CCDC60: variants seen among roughly 807,000 people sequenced by gnomAD.
The protein encoded by CCDC60 is coiled-coil domain-containing protein 60.
Under a neutral mutation model 63.5 loss-of-function variants are expected in CCDC60, and 54 were observed. That is an observed-to-expected ratio of 0.85 (90% confidence interval 0.68 to 1.07). The LOEUF (loss-of-function observed/expected upper bound fraction) is 1.07. Among genes scored for constraint, CCDC60 ranks in the 50% least tolerant of loss-of-function variants. The pLI is 0.00. For missense variants in CCDC60, 651 were observed against 684.3 expected (o/e 0.95, Z 0.54); for synonymous variants, 206 against 238.8 (o/e 0.86, Z 1.27).
rs747656084 is a variant in CCDC60, at chr12:119,505,096, C to G, written c.676C>G (p.Arg226Gly). Reference protein sequence around the residue: ...KTKKFKIPTMRVTNRKPSRRG... With the variant: ...KTKKFKIPTMGVTNRKPSRRG... The stretch of plus-strand genomic sequence containing the variant: ...CAAGAAATTCAAAATTCCCACAATG[C>G]GAGTCACCAACCGCAAACCAAGCCG... Residue 226 changes from arginine to glycine, a missense_variant, in exon 7 of 14, where the codon CGA becomes GGA. Arg to Gly is a moderately radical substitution (Grantham distance 125). Coordinates refer to ENST00000327554, the MANE Select transcript of CCDC60 (RefSeq NM_178499.5). The G allele has an allele frequency of 2.5e-6, 4 of 1,607,250 alleles. No individual in the cohort carries two copies. Among genetic ancestry groups the G allele is most frequent in the Admixed American group, 1.7e-5 (1 of 59,674 alleles).
In CCDC60 at chr12:119,505,912, G is replaced by A. The variant is rs1479884731; in HGVS notation, c.883+609G>A. Among the ~76,000 whole-genome samples, 5 of 152,160 alleles carry A rather than the reference G, an allele frequency of 3.3e-5. No homozygotes were observed. The East Asian group carries it at 9.6e-4, about 29-fold the overall frequency. On this transcript the variant is annotated intron_variant, in intron 7 of 13. Coordinates refer to ENST00000327554, the MANE Select transcript of CCDC60 (RefSeq NM_178499.5). ...TTATACAGAACATTATCATTTCAAT[G>A]TGTAACCAATGTAAAAATTATTAAT... is the stretch of plus-strand genomic sequence containing the variant.
intron 8 of CCDC60, among the ~76,000 whole-genome samples, chr12:119,519,058 A>T (rs944037026): frequency 6.6e-6 from 1 of 152,246 alleles, no homozygotes; most frequent in Non-Finnish European, 1.5e-5. Flanking sequence ...TTCAACGCAG[A>T]GCTACAGAGA....
chr12:119,465,037 C>T (rs551819369), intron 2 of CCDC60, among the ~76,000 whole-genome samples: 1 of 152,336 alleles, frequency 6.6e-6, no homozygotes, highest in African/African-American at 2.4e-5. Context: ...CTGGGCCAGG[C>T]GCGGTGGCTC....
intron 5 of CCDC60, among the ~76,000 whole-genome samples, chr12:119,494,287 A>C (rs1210236155): frequency 1.3e-5 from 2 of 152,204 alleles, no homozygotes; most frequent in African/African-American, 4.8e-5. Context: ...AGTGGAGAAG[A>C]AACAGGCCAG....
At chr12:119,375,916 C>CT in intron 1 of CCDC60, among the ~76,000 whole-genome samples, 1 of 152,286 alleles carries the variant, frequency 6.6e-6, no homozygotes, top group Non-Finnish European at 1.5e-5. Flanking sequence ...TAAAGTCTGA[C>CT]AAACGTGGAG....
At chr12:119,423,401 A>C (rs1956847703) in intron 1 of CCDC60, among the ~76,000 whole-genome samples, 2 of 151,948 alleles carry the variant, frequency 1.3e-5, no homozygotes, top group Non-Finnish European at 2.9e-5. Flanking sequence ...TTTCACTCTC[A>C]TTTCCATTTC....
intron 11 of CCDC60, among the ~76,000 whole-genome samples, chr12:119,524,808 G>A (rs571645436): frequency 7.0e-6 from 1 of 141,948 alleles, no homozygotes; most frequent in East Asian, 2.1e-4. Context: ...CTGCAGCCTC[G>A]AGTGATAAGT....
chr12:119,443,936 C>T (rs1620946), intron 2 of CCDC60, among the ~76,000 whole-genome samples: 135,644 of 152,280 alleles, frequency 0.89, 60,809 homozygotes, highest in East Asian at 1. Flanking sequence ...ACCTGGCACA[C>T]AGATGACATA....
chr12:119,411,120 G>A (rs1346462800), intron 1 of CCDC60, among the ~76,000 whole-genome samples: 1 of 152,196 alleles, frequency 6.6e-6, no homozygotes, highest in East Asian at 1.9e-4. Context: ...GTGTTTTTAT[G>A]CTAAGTCTGA....
chr12:119,489,959 A>G (rs1256120841), intron 5 of CCDC60, among the ~76,000 whole-genome samples: 2 of 151,968 alleles, frequency 1.3e-5, no homozygotes, highest in Admixed American at 6.5e-5. Flanking sequence ...CACCATGCCC[A>G]GCTAATTTTT....
intron 2 of CCDC60, among the ~76,000 whole-genome samples, chr12:119,430,212 A>T (rs1201929991): frequency 2.0e-5 from 3 of 152,046 alleles, no homozygotes; most frequent in Non-Finnish European, 4.4e-5. Flanking sequence ...ATACACACAC[A>T]CACACATATT....
Position 119,472,000 on chromosome 12 carries a change from G to T in CCDC60, c.177G>T (p.Leu59Phe), listed in dbSNP as rs1204939083. Residue 59 changes from leucine (L) to phenylalanine (F), a missense_variant, in exon 3 of 14, where the codon TTG becomes TTT. Leu to Phe is a conservative substitution (Grantham distance 22). Transcript: ENST00000327554. ...CCTCCCTGCATGTCTCCAGCTTTTT[G>T]ATCCAGTCTGTGAAGATAGGCCGTG... is the stretch of plus-strand genomic sequence containing the variant. ...LKKDLIRSRF[L>F]IQSVKIGRGY... 5 of 1,610,144 alleles carry T rather than the reference G, an allele frequency of 3.1e-6. No homozygotes were observed. Among genetic ancestry groups the T allele is most frequent in the Admixed American group, 3.3e-5 (2 of 59,760 alleles).
At chr12:119,484,671 C>G (rs1319902057) in intron 4 of CCDC60, among the ~76,000 whole-genome samples, 1 of 151,888 alleles carries the variant, frequency 6.6e-6, no homozygotes, top group East Asian at 1.9e-4. Context: ...CAAAATCACG[C>G]CACCGCACTC....
chr12:119,488,900 G>A, intron 5 of CCDC60, 34 bp downstream of exon 5: 1 of 1,532,390 alleles, frequency 6.5e-7, no homozygotes, highest in Non-Finnish European at 9.0e-7. Context: ...TCTTAGACTA[G>A]CAGTAGGCTG....
At chr12:119,439,225 C>A (rs1417131450) in intron 2 of CCDC60, among the ~76,000 whole-genome samples, 2 of 149,126 alleles carry the variant, frequency 1.3e-5, no homozygotes, top group South Asian at 2.1e-4. Flanking sequence ...CTACATGGGT[C>A]CTTAGGTGAA....
intron 1 of CCDC60, among the ~76,000 whole-genome samples, chr12:119,375,979 T>C (rs904954373): frequency 6.6e-6 from 1 of 152,190 alleles, no homozygotes; most frequent in Non-Finnish European, 1.5e-5. Context: ...CTCCTGACTT[T>C]CCTCTGGTGA....
chr12:119,422,376 A>C (rs552253105), intron 1 of CCDC60, among the ~76,000 whole-genome samples: 1 of 152,342 alleles, frequency 6.6e-6, no homozygotes, highest in African/African-American at 2.4e-5. Flanking sequence ...GAAATACCTG[A>C]GACTGGGTAA....
At chr12:119,360,760 G>T (rs531244277) in intron 1 of CCDC60, among the ~76,000 whole-genome samples, 5 of 152,092 alleles carry the variant, frequency 3.3e-5, no homozygotes, top group African/African-American at 4.8e-5. Context: ...CTGCAATCTC[G>T]GCACTTTGGG....
At chr12:119,448,719 G>A (rs1301370291) in intron 2 of CCDC60, among the ~76,000 whole-genome samples, 1 of 152,190 alleles carries the variant, frequency 6.6e-6, no homozygotes, top group Non-Finnish European at 1.5e-5. Flanking sequence ...TAGCAAGGCA[G>A]ACTTGGCAAT....
Sources: gnomAD v4.1 joint callset for allele counts (sites outside exome capture counted in the v4.1 genomes callset) on GRCh38, gnomAD v4.1.1 for gene constraint, MANE v1.5 for transcripts, NCBI Gene and HGNC (gene_info 2026-07-23, HGNC 2026-07-21) for gene names.